Variants in POLR1D observed in about 807,000 individuals in gnomAD.
POLR1D encodes RNA polymerase I and III subunit D.
Under a neutral mutation model 10.8 loss-of-function variants are expected in POLR1D, and 8 were observed. That is an observed-to-expected ratio of 0.74 (90% CI 0.43 to 1.33). The LOEUF is 1.33. POLR1D is among the 40% of genes most tolerant of loss of function. POLR1D has a pLI of 0.01. For synonymous variants in POLR1D, 54 were observed against 57.2 expected (o/e 0.94, Z 0.25); for missense variants, 152 against 161.7 (o/e 0.94, Z 0.32).
At chr13:27,625,203 G>C (rs970502531), downstream of POLR1D, among the ~76,000 whole-genome samples, 2 of 152,142 alleles carry the variant, frequency 1.3e-5, no homozygotes, top group African/African-American at 4.8e-5. Flanking sequence ...AGGAAGAGTT[G>C]GGGTAGTAGG....
At chr13:27,656,531 G>A (rs897530534) in intron 2 of POLR1D, among the ~76,000 whole-genome samples, 4 of 152,160 alleles carry the variant, frequency 2.6e-5, no homozygotes, top group African/African-American at 9.7e-5. Context: ...GGGTGGGAGT[G>A]CATGCATAGG....
chr13:27,627,746 T>TA (rs1566142750), downstream of POLR1D, among the ~76,000 whole-genome samples: 1 of 135,306 alleles, frequency 7.4e-6, no homozygotes, highest in Admixed American at 7.7e-5. Flanking sequence ...TTTTTTTTTT[T>TA]TTTTGTCCCA....
At chr13:27,625,271 G>T (rs1955997488), downstream of POLR1D, among the ~76,000 whole-genome samples, 1 of 152,146 alleles carries the variant, frequency 6.6e-6, no homozygotes, top group Admixed American at 6.5e-5. Context: ...TTACAGAGTG[G>T]GGGGAGATGA....
At chr13:27,636,122 T>C (rs1232804572) in intron 1 of POLR1D, among the ~76,000 whole-genome samples, 1 of 152,156 alleles carries the variant, frequency 6.6e-6, no homozygotes, top group Non-Finnish European at 1.5e-5. Flanking sequence ...TCACATAGCA[T>C]TGGGATAGTG....
chr13:27,663,989 CTG>C lies in POLR1D; in HGVS notation c.102-1693_102-1692del, dbSNP rs1956390917. ...GAGGGTAGTTTTTCCTGTAGGCTGT[CTG>C]TGTTATGCTGTTTTGGAACATGCCA... is the stretch of plus-strand genomic sequence containing the variant. On this transcript the variant is annotated intron_variant, in intron 2 of 2. Transcript: ENST00000399697. This position sits in a 1 kb window ranked among gnomAD's most constrained non-coding sequence, Gnocchi z 4.1. Among the ~76,000 whole-genome samples the C allele has an allele frequency of 6.6e-6, 1 of 152,142 alleles. No individual in the cohort carries two copies. The highest frequency in any genetic ancestry group is 1.5e-5 in the Non-Finnish European group (1 of 68,032).
chr13:27,650,792 C>T (rs1453348770), intron 2 of POLR1D: 1 of 152,090 alleles, frequency 6.6e-6, no homozygotes, highest in East Asian at 1.9e-4. Flanking sequence ...ATTAAAACAC[C>T]TAAAATATGT....
chr13:27,662,141 A>C (rs1034518713), intron 2 of POLR1D, among the ~76,000 whole-genome samples: 15 of 152,152 alleles, frequency 9.9e-5, no homozygotes, highest in African/African-American at 3.6e-4. Context: ...TTATTATCAC[A>C]GGTGATTTGA....
intron 1 of POLR1D, among the ~76,000 whole-genome samples, chr13:27,634,224 C>T (rs1956100323): frequency 6.6e-6 from 1 of 152,116 alleles, no homozygotes; most frequent in Admixed American, 6.5e-5. Flanking sequence ...GGTTGGAAAA[C>T]ATAAAGGATT....
At chr13:27,621,314 T>C (rs1955913204), upstream of POLR1D, 1 of 152,372 alleles carries the variant, frequency 6.6e-6, no homozygotes, top group Admixed American at 6.5e-5. Context: ...GAGACATTTC[T>C]TTCTTGCCCT....
chr13:27,643,696 T>C (rs1296913269), intron 1 of POLR1D, among the ~76,000 whole-genome samples: 1 of 152,192 alleles, frequency 6.6e-6, no homozygotes, highest in Non-Finnish European at 1.5e-5. Flanking sequence ...ATCATTCCAT[T>C]ATGGGAAGAA....
intron 1 of POLR1D, among the ~76,000 whole-genome samples, chr13:27,637,036 C>T (rs1956131062): frequency 6.6e-6 from 1 of 152,168 alleles, no homozygotes; most frequent in South Asian, 2.1e-4. Context: ...GTTATATCAT[C>T]ACATATAATT....
chr13:27,626,328 G>A (rs148276341), downstream of POLR1D, among the ~76,000 whole-genome samples: 129 of 152,282 alleles, frequency 8.5e-4, no homozygotes, highest in African/African-American at 3.0e-3. Context: ...AGAGGCGACC[G>A]CTCACCACAT....
At chr13:27,634,801 A>G (rs510928) in intron 1 of POLR1D, among the ~76,000 whole-genome samples, 127,104 of 151,450 alleles carry the variant, frequency 0.84, 53,767 homozygotes, top group East Asian at 0.93. Flanking sequence ...TCAGCCTCCC[A>G]AGTAGCTGGG....
chr13:27,627,687 C>T (rs17085823), downstream of POLR1D, among the ~76,000 whole-genome samples: 1 of 146,502 alleles, frequency 6.8e-6, no homozygotes, highest in East Asian at 2.0e-4. Flanking sequence ...TGTAAGAGAG[C>T]TGTTAAAGAT....
At chr13:27,657,116 A>G (rs1344420899) in intron 2 of POLR1D, among the ~76,000 whole-genome samples, 1 of 152,204 alleles carries the variant, frequency 6.6e-6, no homozygotes, top group Non-Finnish European at 1.5e-5. Flanking sequence ...AGGGAATGCT[A>G]TCCATTGTAA....
At chr13:27,624,376 A>G (rs749530472), downstream of POLR1D, among the ~76,000 whole-genome samples, 8 of 152,178 alleles carry the variant, frequency 5.3e-5, no homozygotes, top group African/African-American at 1.7e-4. Flanking sequence ...TAAATACTCT[A>G]TGAATTCATG....
intron 2 of POLR1D, among the ~76,000 whole-genome samples, chr13:27,660,155 G>C (rs781283054): frequency 1.3e-5 from 2 of 152,132 alleles, no homozygotes; most frequent in Non-Finnish European, 2.9e-5. Context: ...ATTATAAACT[G>C]TAGCACCATG....
chr13:27,665,545 T>C, intron 2 of POLR1D: 1 of 750,548 alleles, frequency 1.3e-6, no homozygotes, highest in Non-Finnish European at 2.4e-6. Flanking sequence ...TTACACTAGG[T>C]GGCATGCAAG....
chr13:27,635,681 A>G (rs1593282602), intron 1 of POLR1D, among the ~76,000 whole-genome samples: 1 of 140,060 alleles, frequency 7.1e-6, no homozygotes, highest in Non-Finnish European at 1.5e-5. Context: ...TCAGTGCTCT[A>G]TAGTTACAAA....
Sources: allele counts gnomAD v4.1 joint callset (sites outside exome capture counted in the v4.1 genomes callset), GRCh38; gene constraint gnomAD v4.1.1; non-coding constraint Gnocchi (gnomAD v3.1); transcripts MANE v1.5; gene names NCBI Gene and HGNC (gene_info 2026-07-23, HGNC 2026-07-21).